SLC5A7: variants seen among roughly 807,000 people sequenced by gnomAD.
SLC5A7 encodes high affinity choline transporter 1.
A neutral mutation model predicts 55.4 loss-of-function variants in SLC5A7; 19 were observed. That is an observed-to-expected ratio of 0.34 (90% CI 0.24 to 0.50). The LOEUF (loss-of-function observed/expected upper bound fraction) is 0.50. Among genes scored for constraint, SLC5A7 ranks in the 20% least tolerant of loss-of-function variants. SLC5A7 has a pLI of 0.98. For synonymous variants in SLC5A7, 265 were observed against 263.7 expected (o/e 1.00, Z -0.05); for missense variants, 506 against 705.3 (o/e 0.72, Z 3.20).
intron 5 of SLC5A7, among the ~76,000 whole-genome samples, chr2:108,000,123 G>A (rs941751715): frequency 6.6e-6 from 1 of 152,074 alleles, no homozygotes; most frequent in African/African-American, 2.4e-5. Context: ...TCCCTTGCCA[G>A]CAAAGCCTGT....
rs561703169 is a variant in SLC5A7, at chr2:108,006,269, G to C, written c.895+67G>C. 5.1e-6 allele frequency: 8 copies of C among 1,566,220 alleles called. No homozygotes were observed. The African/African-American group carries it at 9.5e-5, about 19-fold the overall frequency. Reference sequence around the variant, plus strand: ...CCAATCCCCACCCAGACACCCTTCTGTCCCACTCCCCTCTTTCCTCCACAT... The same window carrying C: ...CCAATCCCCACCCAGACACCCTTCTCTCCCACTCCCCTCTTTCCTCCACAT... On this transcript the variant is annotated intron_variant, in intron 7 of 8. Coordinates refer to ENST00000264047, the MANE Select transcript of SLC5A7 (RefSeq NM_021815.5).
chr2:107,996,847 T>C (rs1211743450), intron 4 of SLC5A7, among the ~76,000 whole-genome samples: 1 of 152,234 alleles, frequency 6.6e-6, no homozygotes, highest in Non-Finnish European at 1.5e-5. Flanking sequence ...TCTTAGGCTC[T>C]TCAGTATACT....
chr2:107,993,065 T>C lies in SLC5A7; in HGVS notation c.386T>C (p.Leu129Pro). Reference sequence around the variant, plus strand: ...ATCTATGGAAAACGCATGGGCGGACTCCTGTTTATTCCTGCACTGATGGGA... The same window carrying C: ...ATCTATGGAAAACGCATGGGCGGACCCCTGTTTATTCCTGCACTGATGGGA... Reference protein sequence around the residue: ...QQIYGKRMGGLLFIPALMGEM... With the variant: ...QQIYGKRMGGPLFIPALMGEM... Residue 129 changes from leucine to proline, a missense_variant, in exon 4 of 9, where the codon CTC becomes CCC. Around this residue, in one of 4 missense-constraint regions of SLC5A7, gnomAD observed 309 missense variants for 478.6 expected, o/e 0.65. Transcript: ENST00000264047. 1 of 1,614,222 alleles carries C rather than the reference T, an allele frequency of 6.2e-7. No individual in the cohort carries two copies. The highest frequency in any genetic ancestry group is 8.5e-7 in the Non-Finnish European group (1 of 1,180,036).
chr2:108,010,303 G>A lies in SLC5A7; in HGVS notation c.1185G>A (p.Met395Ile). The A allele has an allele frequency of 6.2e-7, 1 of 1,613,962 alleles. No individual in the cohort carries two copies. Among genetic ancestry groups the A allele is most frequent in the Non-Finnish European group, 8.5e-7 (1 of 1,179,932 alleles). ...TGTTTGGAGCATCTGCAACAGCCAT[G>A]GCCTTGCTGACGAAAACTGTGTATG... The part of the protein sequence containing the change: ...VFVFGASATA[M>I]ALLTKTVYGL... The change falls in exon 9 of 9, where the codon ATG (methionine) becomes ATA (isoleucine). Residue 395 changes from methionine (M) to isoleucine (I), a missense_variant. Around this residue, in one of 4 missense-constraint regions of SLC5A7, gnomAD observed 309 missense variants for 478.6 expected, o/e 0.65. Coordinates refer to ENST00000264047, the MANE Select transcript of SLC5A7 (RefSeq NM_021815.5).
Position 108,012,714 on chromosome 2 carries a change from G to A in SLC5A7, c.*1853G>A, listed in dbSNP as rs564098986. 1 of 152,072 alleles carries A rather than the reference G, an allele frequency of 6.6e-6. No homozygotes were observed. Among genetic ancestry groups the A allele is most frequent in the Non-Finnish European group, 1.5e-5 (1 of 67,978 alleles). The allele number at this position is 152,072 out of a possible 1,614,324, so 9.4% of individuals were successfully genotyped here. On this transcript the variant is annotated 3_prime_UTR_variant, in exon 9 of 9. Coordinates refer to ENST00000264047, the MANE Select transcript of SLC5A7 (RefSeq NM_021815.5). ...CTCAGAATCTATTCAGTACCCTATG[G>A]AGTACATGGAAGAAGTATATTTTTG...
At position 107,992,993 on chromosome 2, in the gene SLC5A7, C is replaced by A; in HGVS notation, c.314C>A (p.Pro105His). 6.2e-7 allele frequency: 1 copy of A among 1,614,160 alleles called. No individual in the cohort carries two copies. Among genetic ancestry groups the A allele is most frequent in the Non-Finnish European group, 8.5e-7 (1 of 1,180,000 alleles). ...TTAGGTGGCCTGTTCTTTGCAAAAC[C>A]TATGCGTTCAAAGGGGTATGTGACC... ...LILGGLFFAKPMRSKGYVTML... is the reference protein window; with the variant it reads ...LILGGLFFAKHMRSKGYVTML... The change falls in exon 4 of 9, where the codon CCT becomes CAT. Residue 105 changes from proline (P) to histidine (H), a missense_variant. Pro to His is a moderately conservative substitution (Grantham distance 77, BLOSUM62 -2). Transcript: ENST00000264047.
At chr2:108,008,444 G>A (rs895801042) in intron 7 of SLC5A7, 21 bp from the exon 8 acceptor site, 1 of 1,597,042 alleles carries the variant, frequency 6.3e-7, no homozygotes, top group African/African-American at 1.3e-5. Context: ...GGTTATAATG[G>A]TTGTTGATTC....
rs538293403 is a variant in SLC5A7 at position 108,001,685 on chromosome 2, A to G, written c.598-212A>G. Among the ~76,000 whole-genome samples, 52 of 151,104 alleles carry G rather than the reference A, an allele frequency of 3.4e-4. 2 individuals carry two copies. The highest frequency in any genetic ancestry group is 5.9e-4 in the East Asian group (3 of 5,116). On this transcript the variant is annotated intron_variant, in intron 5 of 8. Coordinates refer to ENST00000264047, the MANE Select transcript of SLC5A7 (RefSeq NM_021815.5). Reference sequence around the variant, plus strand: ...GAGACTCCGTCTCAAAAAAAAAAAAAAAAAGAAAAGAAATAGTCAATGTGT... The same window carrying G: ...GAGACTCCGTCTCAAAAAAAAAAAAGAAAAGAAAAGAAATAGTCAATGTGT...
Position 108,006,036 on chromosome 2 carries a change from G to A in SLC5A7, c.742-13G>A. Reference sequence around the variant, plus strand: ...TAGATGTTTGCCTCTCCATCCTTGTGTTTCCCGCACAGATGCTGGGTGGAA... The same window carrying A: ...TAGATGTTTGCCTCTCCATCCTTGTATTTCCCGCACAGATGCTGGGTGGAA... On this transcript the variant is annotated splice_polypyrimidine_tract_variant and intron_variant, in intron 6 of 8. Transcript: ENST00000264047. 6.2e-7 allele frequency: 1 copy of A among 1,613,700 alleles called. No individual in the cohort carries two copies.
At chr2:107,987,923 A>G (rs903335019) in intron 1 of SLC5A7, among the ~76,000 whole-genome samples, 182 bp from the exon 2 acceptor site, 11 of 152,104 alleles carry the variant, frequency 7.2e-5, no homozygotes, top group African/African-American at 2.4e-4. Context: ...TTAAATTGTT[A>G]AATAGAAGTA....
chr2:108,008,856 T>G (rs1432900895), intron 8 of SLC5A7, among the ~76,000 whole-genome samples, 174 bp downstream of exon 8: 5 of 150,700 alleles, frequency 3.3e-5, no homozygotes, highest in Non-Finnish European at 7.4e-5. Context: ...ATGGATGCTA[T>G]CAGTACCTGT....
chr2:107,992,383 C>T (rs1316057106), intron 3 of SLC5A7, among the ~76,000 whole-genome samples, 164 bp downstream of exon 3: 1 of 152,164 alleles, frequency 6.6e-6, no homozygotes, highest in African/African-American at 2.4e-5. Context: ...AGTAGCAGAA[C>T]ACTAATGCTT....
chr2:108,001,134 TC>T (rs1353195758), intron 5 of SLC5A7, among the ~76,000 whole-genome samples: 1 of 151,736 alleles, frequency 6.6e-6, no homozygotes, highest in East Asian at 1.9e-4. Context: ...ACAAAAACAA[TC>T]CACATCCCTC....
chr2:108,006,690 G>T (rs1008262356), intron 7 of SLC5A7, among the ~76,000 whole-genome samples: 1 of 152,088 alleles, frequency 6.6e-6, no homozygotes, highest in Admixed American at 6.5e-5. Flanking sequence ...TAAAAATACG[G>T]ATATGTGGCC....
rs1678322980 is a variant in SLC5A7, at chr2:108,011,427, A to G, written c.*566A>G. Reference sequence around the variant, plus strand: ...GTTATTCTTTTATTAATGGCATGTAATATTCTGAGCACGGGCAAAGAAAAC... The same window carrying G: ...GTTATTCTTTTATTAATGGCATGTAGTATTCTGAGCACGGGCAAAGAAAAC... On this transcript the variant is annotated 3_prime_UTR_variant, in exon 9 of 9. Coordinates refer to ENST00000264047, the MANE Select transcript of SLC5A7 (RefSeq NM_021815.5). The G allele has an allele frequency of 6.6e-6, 1 of 152,220 alleles. No individual in the cohort carries two copies. Among genetic ancestry groups the G allele is most frequent in the South Asian group, 2.1e-4 (1 of 4,832 alleles). The allele number at this position is 152,220 out of a possible 1,614,324, so 9.4% of individuals were successfully genotyped here. A position where few individuals can be genotyped will look rare whatever the true frequency, so the allele number is the denominator to read the frequency against.
intron 6 of SLC5A7, among the ~76,000 whole-genome samples, chr2:108,002,870 TAAAA>T (rs1558867583): frequency 6.6e-6 from 1 of 152,092 alleles, no homozygotes; most frequent in African/African-American, 2.4e-5. Flanking sequence ...AAAATCTTCT[TAAAA>T]AAAGAAATAG....
rs1678334149 is a variant in SLC5A7, at chr2:108,011,681, GC to G, written c.*824del. On this transcript the variant is annotated 3_prime_UTR_variant, in exon 9 of 9. Coordinates refer to ENST00000264047, the MANE Select transcript of SLC5A7 (RefSeq NM_021815.5). ...CTTTATCTCAAGTATATAAAGTTTT[GC>G]CCCATGATAAAATAAGTAACATATA... is the stretch of plus-strand genomic sequence containing the variant. 6.6e-6 allele frequency: 1 copy of G among 152,006 alleles called. No individual in the cohort carries two copies. The highest frequency in any genetic ancestry group is 2.4e-5 in the African/African-American group (1 of 41,388). The allele number at this position is 152,006 out of a possible 1,614,324, so 9.4% of individuals were successfully genotyped here. A position where few individuals can be genotyped will look rare whatever the true frequency, so the allele number is the denominator to read the frequency against.
In SLC5A7 at chr2:108,010,925, T is replaced by C; in HGVS notation, c.*64T>C. The C allele has an allele frequency of 1.4e-6, 2 of 1,433,818 alleles. No homozygotes were observed. Among genetic ancestry groups the C allele is most frequent in the Middle Eastern group, 1.8e-4 (1 of 5,452 alleles). The allele number at this position is 1,433,818 out of a possible 1,614,324, so 88.8% of individuals were successfully genotyped here. On this transcript the variant is annotated 3_prime_UTR_variant, in exon 9 of 9. Coordinates refer to ENST00000264047, the MANE Select transcript of SLC5A7 (RefSeq NM_021815.5). ...CTGTAATAGGGTAGTTCTGGAGAGA[T>C]GGTATGCAGCATACAAAAATATATT... is the stretch of plus-strand genomic sequence containing the variant.
chr2:107,988,415 A>G, intron 2 of SLC5A7, 82 bp downstream of exon 2: 1 of 1,305,492 alleles, frequency 7.7e-7, no homozygotes, highest in African/African-American at 1.5e-5. Context: ...TCAGAGTGAC[A>G]AAGCAAATGT....
Sources: allele counts gnomAD v4.1 joint callset (sites outside exome capture counted in the v4.1 genomes callset), GRCh38; gene constraint gnomAD v4.1.1; regional missense constraint gnomAD v4.1.1; transcripts MANE v1.5; gene names NCBI Gene and HGNC (gene_info 2026-07-23, HGNC 2026-07-21).